Variants in ACAD11 observed in about 807,000 individuals in gnomAD.
The protein encoded by ACAD11 is acyl-CoA dehydrogenase family member 11.
ACAD11 carries 83 observed loss-of-function variants against 102.2 expected under a neutral mutation model. That is an observed-to-expected ratio of 0.81 (90% CI 0.68 to 0.97). The LOEUF (loss-of-function observed/expected upper bound fraction) is 0.97. Among genes scored for constraint, ACAD11 ranks in the 50% least tolerant of loss-of-function variants. The pLI is 0.00. For synonymous variants in ACAD11, 324 were observed against 319.8 expected (o/e 1.01, Z -0.14); for missense variants, 901 against 951.7 (o/e 0.95, Z 0.70).
In ACAD11 at chr3:132,559,485, A is replaced by T. The variant is rs141937779; in HGVS notation, c.2228+348T>A. The stretch of plus-strand genomic sequence containing the variant: ...TGTAATTATGTGTGGAGATGGACAG[A>T]TGGGGAATGGAGAATGTTCCTTTCT... On this transcript the variant is annotated intron_variant, in intron 19 of 19. Transcript: ENST00000264990. 5.4e-3 allele frequency among the ~76,000 whole-genome samples: 819 copies of T among 152,202 alleles called. 10 individuals carry two copies. Among genetic ancestry groups the T allele is most frequent in the African/African-American group, 0.019 (783 of 41,560 alleles).
At chr3:132,598,753 A>C (rs1194535627) in intron 13 of ACAD11, among the ~76,000 whole-genome samples, 2 of 152,224 alleles carry the variant, frequency 1.3e-5, no homozygotes, top group Non-Finnish European at 2.9e-5. Flanking sequence ...CTGAGAAATT[A>C]GTCCTATCAC....
At chr3:132,591,566 A>G (rs1247495504) in intron 13 of ACAD11, among the ~76,000 whole-genome samples, 2 of 152,066 alleles carry the variant, frequency 1.3e-5, no homozygotes, top group Admixed American at 6.6e-5. Context: ...ATATTTCCCA[A>G]TATTACTTCT....
rs78743765 is a variant in ACAD11 at position 132,650,563 on chromosome 3, T to C, written c.150-5667A>G. 7.7e-3 allele frequency among the ~76,000 whole-genome samples: 1,175 copies of C among 152,274 alleles called. 16 individuals carry two copies. The highest frequency in any genetic ancestry group is 0.027 in the African/African-American group (1,106 of 41,542). ...ATTAGACATTTTGAATATCTGAATA[T>C]ACACAGGGTAAGGAAATACAGTTGC... On this transcript the variant is annotated intron_variant, in intron 1 of 19. Coordinates refer to ENST00000264990, the MANE Select transcript of ACAD11 (RefSeq NM_032169.5).
At chr3:132,589,304 G>A (rs544427504) in intron 13 of ACAD11, among the ~76,000 whole-genome samples, 1 of 152,284 alleles carries the variant, frequency 6.6e-6, no homozygotes, top group African/African-American at 2.4e-5. Flanking sequence ...AAGAACATTA[G>A]GATGATTTAA....
At chr3:132,653,711 T>C (rs1937633204) in intron 1 of ACAD11, among the ~76,000 whole-genome samples, 1 of 152,170 alleles carries the variant, frequency 6.6e-6, no homozygotes, top group Non-Finnish European at 1.5e-5. Context: ...TTTCCATTAA[T>C]ACTACTTTTT....
At chr3:132,574,200 C>G (rs1175605887) in intron 17 of ACAD11, among the ~76,000 whole-genome samples, 1 of 152,192 alleles carries the variant, frequency 6.6e-6, no homozygotes. Flanking sequence ...TTTACTGTGT[C>G]CTCCCTTCAC....
chr3:132,626,776 T>C lies in ACAD11; in HGVS notation c.1112A>G (p.Gln371Arg), dbSNP rs1034554592. ...TVLPQIDTTG[Q>R]LFVQTRKGQE... The stretch of plus-strand genomic sequence containing the variant: ...ACCTTTCCGAGTCTGTACAAACAAC[T>C]GTCCAGTAGTATCAATCTGTGGTAG... Residue 371 changes from glutamine (Q) to arginine (R), a missense_variant, in exon 9 of 20, where the codon CAG (glutamine) becomes CGG (arginine). Physicochemically the swap from Gln to Arg is conservative, Grantham distance 43. Transcript: ENST00000264990. The C allele has an allele frequency of 1.9e-6, 3 of 1,613,718 alleles. No homozygotes were observed. The highest frequency in any genetic ancestry group is 2.5e-6 in the Non-Finnish European group (3 of 1,179,944).
Position 132,659,792 on chromosome 3 carries a change from C to G in ACAD11, c.-41G>C, listed in dbSNP as rs1367047162. 2 of 1,548,934 alleles carry G rather than the reference C, an allele frequency of 1.3e-6. No individual in the cohort carries two copies. The highest frequency in any genetic ancestry group is 2.4e-5 in the South Asian group (2 of 82,232). On this transcript the variant is annotated 5_prime_UTR_variant, in exon 1 of 20. Coordinates refer to ENST00000264990, the MANE Select transcript of ACAD11 (RefSeq NM_032169.5). ...CCACAGCAACGCGGCATCCACAGGTCTCGAGTGCCGAAGTCCTTCAGGATT... is the reference window on the plus strand; with the variant it reads ...CCACAGCAACGCGGCATCCACAGGTGTCGAGTGCCGAAGTCCTTCAGGATT...
intron 2 of ACAD11, 114 bp downstream of exon 2, chr3:132,644,683 T>C (rs1079367): frequency 0.37 from 160,986 of 437,390 alleles, 36,111 homozygotes; most frequent in East Asian, 0.74. Context: ...AAATAAAATA[T>C]ATTTTATATT....
At position 132,640,022 on chromosome 3, in the gene ACAD11, A is replaced by C. The variant is rs111661896; in HGVS notation, c.538-366T>G. On this transcript the variant is annotated intron_variant, in intron 4 of 19. Coordinates refer to ENST00000264990, the MANE Select transcript of ACAD11 (RefSeq NM_032169.5). ...CTCACACACACACACACACACACAA[A>C]TATATAGGCATAGATAATCTCTGGA... Among the ~76,000 whole-genome samples, 627 of 152,102 alleles carry C rather than the reference A, an allele frequency of 4.1e-3. 7 individuals are homozygous for C. Among genetic ancestry groups the C allele is most frequent in the African/African-American group, 0.012 (517 of 41,500 alleles).
intron 13 of ACAD11, among the ~76,000 whole-genome samples, chr3:132,580,297 A>C (rs952838676): frequency 1.3e-5 from 2 of 152,124 alleles, no homozygotes; most frequent in African/African-American, 4.8e-5. Context: ...CAAATAGTTG[A>C]ATAATATTAT....
chr3:132,601,260 C>T, intron 13 of ACAD11: 1 of 1,614,026 alleles, frequency 6.2e-7, no homozygotes. Context: ...ATCCAAGTCA[C>T]AGAAAGCATC....
rs1009073554 is a variant in ACAD11 at position 132,642,788 on chromosome 3, A to G, written c.264T>C (p.Phe88=). 5 of 1,611,858 alleles carry G rather than the reference A, an allele frequency of 3.1e-6. No homozygotes were observed. In the African/African-American group the frequency reaches 5.3e-5, roughly 17 times the overall value. Reference sequence around the variant, plus strand: ...TTGAAAACAAGGCTTTCTGGACTTTAAATTCTCTATCAATCTAAATAGGAT... The same window carrying G: ...TTGAAAACAAGGCTTTCTGGACTTTGAATTCTCTATCAATCTAAATAGGAT... The part of the protein sequence containing the change: ...LPKAHQIDRE[F]KVQKALFSIG... The change falls in exon 3 of 20, where the codon TTT becomes TTC. Residue 88 remains phenylalanine, a synonymous_variant. Coordinates refer to ENST00000264990, the MANE Select transcript of ACAD11 (RefSeq NM_032169.5).
chr3:132,615,081 T>A (rs1939350648), intron 11 of ACAD11, among the ~76,000 whole-genome samples: 1 of 152,174 alleles, frequency 6.6e-6, no homozygotes, highest in Non-Finnish European at 1.5e-5. Flanking sequence ...AAAAAGCTCA[T>A]CATCACTGGT....
chr3:132,642,637 A>C, intron 3 of ACAD11, 40 bp downstream of exon 3: 1 of 1,551,438 alleles, frequency 6.4e-7, no homozygotes, highest in South Asian at 1.2e-5. Flanking sequence ...CTTCATAATT[A>C]AAAGTAAAAG....
At chr3:132,597,634 T>C (rs1214352853) in intron 13 of ACAD11, among the ~76,000 whole-genome samples, 1 of 152,048 alleles carries the variant, frequency 6.6e-6, no homozygotes, top group Non-Finnish European at 1.5e-5. Context: ...TTTATTCTCA[T>C]GGTAATTATA....
intron 4 of ACAD11, among the ~76,000 whole-genome samples, chr3:132,641,698 G>GGAAGAGGAAGAAGAAGAA (rs781004918): frequency 1.7e-5 from 2 of 116,694 alleles, no homozygotes; most frequent in African/African-American, 8.3e-5. Context: ...AAGAGGAAGA[G>GGAAGAGGAAGAAGAAGAA]GAAGAAGAAG....
intron 13 of ACAD11, chr3:132,601,332 A>AGTG (rs768327361): frequency 6.2e-7 from 1 of 1,613,244 alleles, no homozygotes; most frequent in Non-Finnish European, 8.5e-7. Flanking sequence ...TCTTTCAAAA[A>AGTG]CTACGTTATG....
At chr3:132,604,560 A>AT (rs1482521618) in intron 12 of ACAD11, among the ~76,000 whole-genome samples, 2 of 152,124 alleles carry the variant, frequency 1.3e-5, no homozygotes, top group African/African-American at 2.4e-5. Flanking sequence ...CAAAACAATG[A>AT]TTTTTTTCTA....
Sources: gnomAD v4.1 joint callset for allele counts (sites outside exome capture counted in the v4.1 genomes callset) on GRCh38, gnomAD v4.1.1 for gene constraint, MANE v1.5 for transcripts, NCBI Gene and HGNC (gene_info 2026-07-23, HGNC 2026-07-21) for gene names.